The following MTO1 variants were observed in gnomAD, a reference collection of about 807,000 sequenced individuals.
MTO1 encodes the protein mitochondrial tRNA translation optimization 1.
MTO1 carries 46 observed loss-of-function variants against 71.6 expected under a neutral mutation model. The observed-to-expected ratio is 0.64, with a 90% confidence interval of 0.51 to 0.82. The LOEUF is 0.82. MTO1 is among the 40% of genes least tolerant of loss of function. The pLI is 0.00. For synonymous variants in MTO1, 297 were observed against 312.1 expected (o/e 0.95, Z 0.51); for missense variants, 773 against 867.5 (o/e 0.89, Z 1.37).
intron 9 of MTO1, among the ~76,000 whole-genome samples, chr6:73,483,651 C>G (rs1019912286): frequency 6.6e-5 from 10 of 152,132 alleles, no homozygotes; most frequent in African/African-American, 2.4e-4. Context: ...GAGTTTCACT[C>G]TCCTTGCTCA....
chr6:73,471,856 G>A (rs6925541), intron 3 of MTO1: 21,389 of 156,630 alleles, frequency 0.14, 1,848 homozygotes, highest in East Asian at 0.2. Flanking sequence ...ACAATTCAGT[G>A]CTATTAAGTA....
intron 9 of MTO1, among the ~76,000 whole-genome samples, chr6:73,483,373 C>T (rs1183445313): frequency 6.6e-6 from 1 of 151,916 alleles, no homozygotes; most frequent in Non-Finnish European, 1.5e-5. Context: ...CACGCCTCTG[C>T]ACTCCAGCCT....
At chr6:73,494,487 T>C (rs1446903323) in intron 10 of MTO1, among the ~76,000 whole-genome samples, 3 of 150,876 alleles carry the variant, frequency 2.0e-5, no homozygotes, top group Admixed American at 2.0e-4. Flanking sequence ...TTCTTTTTTT[T>C]TTTTTTTGAG....
chr6:73,494,334 A>C (rs1298600971), intron 10 of MTO1, among the ~76,000 whole-genome samples: 3 of 152,206 alleles, frequency 2.0e-5, no homozygotes, highest in Non-Finnish European at 4.4e-5. Context: ...TGAAAAAAGC[A>C]GGGAACAGGA....
intron 3 of MTO1, among the ~76,000 whole-genome samples, chr6:73,469,640 C>T (rs546780439): frequency 2.6e-4 from 7 of 27,314 alleles, no homozygotes; most frequent in Non-Finnish European, 6.2e-4. Flanking sequence ...ATAAATAAGG[C>T]GCTAAAACAC....
chr6:73,500,394 A>G (rs1203611628), intron 11 of MTO1, among the ~76,000 whole-genome samples, 180 bp from the exon 12 acceptor site: 2 of 152,220 alleles, frequency 1.3e-5, no homozygotes, highest in African/African-American at 4.8e-5. Flanking sequence ...TAAAATGAAG[A>G]CATAAATAAT....
rs1771510317 is a variant in MTO1, at chr6:73,482,059, A to G, written c.1280A>G (p.Asn427Ser). The G allele has an allele frequency of 1.9e-6, 3 of 1,614,158 alleles. No homozygotes were observed. The highest frequency in any genetic ancestry group is 1.3e-5 in the African/African-American group (1 of 75,036). The part of the protein sequence containing the change: ...AAAQGVIAGI[N>S]ASLRVSRKPP... ...TTGTAGGGTGTGATAGCCGGAATCA[A>G]CGCCAGTCTTCGGGTCAGTCGCAAG... is the stretch of plus-strand genomic sequence containing the variant. The change falls in exon 8 of 12, where the codon AAC becomes AGC. Residue 427 changes from asparagine (N) to serine (S), a missense_variant. Physicochemically the swap from Asn to Ser is conservative, Grantham distance 46. Transcript: ENST00000498286.
At chr6:73,492,628 GGCA>G in intron 10 of MTO1, 2 of 266,976 alleles carry the variant, frequency 7.5e-6, no homozygotes, top group Non-Finnish European at 1.5e-5. Flanking sequence ...TGGCCAATAT[GGCA>G]AAACCCTGTC....
chr6:73,480,169 G>A (rs1370434038), intron 6 of MTO1, 43 bp downstream of exon 6: 1 of 1,588,916 alleles, frequency 6.3e-7, no homozygotes. Context: ...GGTCAGCATT[G>A]TTTTAATGGT....
At chr6:73,485,227 C>T (rs1397799034) in intron 9 of MTO1, among the ~76,000 whole-genome samples, 3 of 151,944 alleles carry the variant, frequency 2.0e-5, no homozygotes. Flanking sequence ...AAAAGATGAA[C>T]AAATGAACAA....
At chr6:73,469,938 C>T (rs901007513) in intron 3 of MTO1, among the ~76,000 whole-genome samples, 2 of 150,384 alleles carry the variant, frequency 1.3e-5, no homozygotes, top group Non-Finnish European at 3.0e-5. Flanking sequence ...CCTGGAGGTG[C>T]GGGTTGTGGT....
intron 1 of MTO1, among the ~76,000 whole-genome samples, chr6:73,462,492 G>A (rs747721981): frequency 6.6e-6 from 1 of 152,188 alleles, no homozygotes; most frequent in Non-Finnish European, 1.5e-5. Context: ...ACTTTGGGAT[G>A]CCAAGGCAGG....
Position 73,497,889 on chromosome 6 carries a change from CACAGACGGTAAG to C in MTO1, c.1912_1917+6del. The stretch of plus-strand genomic sequence containing the variant: ...CGAGAGAAACTACATTTTAGTCGTC[CACAGACGGTAAG>C]AAAATAGGCAGGAGAATAGAAACAA... On this transcript the variant is annotated splice_donor_variant and splice_donor_5th_base_variant and coding_sequence_variant and intron_variant, in exon 11 of 12. Coordinates refer to ENST00000498286, the MANE Select transcript of MTO1 (RefSeq NM_012123.4). LOFTEE classifies it high-confidence loss of function. The C allele has an allele frequency of 6.2e-7, 1 of 1,608,228 alleles. No individual in the cohort carries two copies. The highest frequency in any genetic ancestry group is 8.5e-7 in the Non-Finnish European group (1 of 1,175,762).
intron 9 of MTO1, among the ~76,000 whole-genome samples, chr6:73,483,785 T>C (rs1342842670): frequency 1.2e-5 from 1 of 80,540 alleles, no homozygotes; most frequent in Non-Finnish European, 2.5e-5. Flanking sequence ...CACCTGGCTA[T>C]TTTTTTTTTT....
chr6:73,500,123 C>T (rs1355631912), intron 11 of MTO1, among the ~76,000 whole-genome samples: 4 of 152,162 alleles, frequency 2.6e-5, no homozygotes, highest in Non-Finnish European at 5.9e-5. Context: ...CCTTTGTTTT[C>T]TGAGAGGCTA....
chr6:73,482,279 C>T (rs1311768074), intron 8 of MTO1, 35 bp downstream of exon 8: 1 of 1,606,598 alleles, frequency 6.2e-7, no homozygotes, highest in Admixed American at 1.7e-5. Context: ...TCCAGCCAGG[C>T]ATGGTGGCTC....
At position 73,479,717 on chromosome 6, in the gene MTO1, G is replaced by A. The variant is rs1228961539; in HGVS notation, c.826-15G>A. The A allele has an allele frequency of 1.9e-6, 3 of 1,583,610 alleles. No homozygotes were observed. The highest frequency in any genetic ancestry group is 2.2e-5 in the East Asian group (1 of 44,718). ...GATAAGCAAATCAGTATTGCATCTGGTTACTGTTTTTTAGCCAGAAGATCA... is the reference window on the plus strand; with the variant it reads ...GATAAGCAAATCAGTATTGCATCTGATTACTGTTTTTTAGCCAGAAGATCA... On this transcript the variant is annotated splice_polypyrimidine_tract_variant and intron_variant, in intron 4 of 11. Transcript: ENST00000498286.
chr6:73,494,844 A>G (rs1263125726), intron 10 of MTO1, among the ~76,000 whole-genome samples: 1 of 150,218 alleles, frequency 6.7e-6, no homozygotes, highest in Non-Finnish European at 1.5e-5. Context: ...CAGTGATGCA[A>G]TCTGAATTCA....
chr6:73,467,124 G>A (rs116843016), intron 3 of MTO1, among the ~76,000 whole-genome samples: 2,288 of 151,746 alleles, frequency 0.015, 35 homozygotes, highest in Non-Finnish European at 0.023. Context: ...GACCAGCCTC[G>A]GCAAGATGGC....
Sources: gnomAD v4.1 joint callset for allele counts (sites outside exome capture counted in the v4.1 genomes callset) on GRCh38, gnomAD v4.1.1 for gene constraint, MANE v1.5 for transcripts, NCBI Gene and HGNC (gene_info 2026-07-23, HGNC 2026-07-21) for gene names.